ALDH1L1: variants seen among roughly 807,000 people sequenced by gnomAD.
ALDH1L1 encodes the protein cytosolic 10-formyltetrahydrofolate dehydrogenase.
Under a neutral mutation model 101.1 loss-of-function variants are expected in ALDH1L1, and 68 were observed. The ratio of observed to expected loss-of-function variants is 0.67; its 90% CI spans 0.55 to 0.82. ALDH1L1 has a LOEUF of 0.82. Among genes scored for constraint, ALDH1L1 ranks in the 40% least tolerant of loss-of-function variants. The probability of loss-of-function intolerance (pLI) is 0.00; values close to 1 mark genes in which losing one functional copy is unlikely to be tolerated. For synonymous variants in ALDH1L1, 486 were observed against 470.8 expected (o/e 1.03, Z -0.42); for missense variants, 1,087 against 1,172.7 (o/e 0.93, Z 1.07).
intron 16 of ALDH1L1, among the ~76,000 whole-genome samples, chr3:126,123,256 T>C (rs991336397): frequency 7.6e-5 from 7 of 91,592 alleles, no homozygotes; most frequent in African/African-American, 4.5e-4. Flanking sequence ...TCACCAAAAC[T>C]CTTTTTTTTT....
At chr3:126,146,132 C>T (rs528931223) in intron 9 of ALDH1L1, among the ~76,000 whole-genome samples, 35 of 152,354 alleles carry the variant, frequency 2.3e-4, no homozygotes, top group African/African-American at 8.2e-4. Flanking sequence ...ACAATGCCCA[C>T]CCCTGCAGTC....
intron 22 of ALDH1L1, chr3:126,105,398 G>A: frequency 5.3e-6 from 2 of 379,684 alleles, no homozygotes; most frequent in Non-Finnish European, 1.0e-5. Context: ...AGAAACACGG[G>A]CCCCTGGGTC....
intron 1 of ALDH1L1, among the ~76,000 whole-genome samples, chr3:126,170,632 C>G (rs1409608943): frequency 3.9e-5 from 6 of 152,128 alleles, no homozygotes; most frequent in Non-Finnish European, 7.3e-5. Flanking sequence ...CCAAAAAACT[C>G]TCCACCCCCG....
chr3:126,110,389 G>A (rs536439229), intron 19 of ALDH1L1: 20 of 476,686 alleles, frequency 4.2e-5, no homozygotes, highest in African/African-American at 1.9e-4. Context: ...GACAGAGGCC[G>A]GCATATTTGA....
chr3:126,136,106 C>T (rs939355050), intron 11 of ALDH1L1, among the ~76,000 whole-genome samples: 3 of 152,210 alleles, frequency 2.0e-5, no homozygotes, highest in Non-Finnish European at 4.4e-5. Flanking sequence ...CCGCACTGTC[C>T]TGTCTGTGTC....
rs182288944 is a variant in ALDH1L1 at position 126,109,823 on chromosome 3, G to A, written c.2347+121C>T. On this transcript the variant is annotated intron_variant, in intron 20 of 22. Transcript: ENST00000393434. Reference sequence around the variant, plus strand: ...TCCATCCCAGGTCCCAGATGGGGCTGCAGCCTGACTGTGTAGGTACCTGGC... The same window carrying A: ...TCCATCCCAGGTCCCAGATGGGGCTACAGCCTGACTGTGTAGGTACCTGGC... 6.4e-5 allele frequency: 90 copies of A among 1,406,668 alleles called. No individual in the cohort carries two copies. In the East Asian group the frequency reaches 1.5e-3, roughly 24 times the overall value. The allele number at this position is 1,406,668 out of a possible 1,614,324, so 87.1% of individuals were successfully genotyped here.
At position 126,152,963 on chromosome 3, in the gene ALDH1L1, G is replaced by A. The variant is rs528535611; in HGVS notation, c.858+481C>T. 1.2e-5 allele frequency: 3 copies of A among 259,106 alleles called. No individual in the cohort carries two copies. In the East Asian group the frequency reaches 2.8e-4, roughly 24 times the overall value. The allele number at this position is 259,106 out of a possible 1,614,324, so 16.1% of individuals were successfully genotyped here. On this transcript the variant is annotated intron_variant, in intron 7 of 22. Transcript: ENST00000393434. ...GTGTTTGCTGGTACCGTGAGTTGTA[G>A]TCTGCTAATAACAAGAGCAGGTGGC...
At chr3:126,158,302 A>G in intron 3 of ALDH1L1, 103 bp downstream of exon 3, 2 of 1,175,102 alleles carry the variant, frequency 1.7e-6, no homozygotes, top group Admixed American at 5.1e-5. Context: ...CACGATGCCC[A>G]CTCTGCAGCC....
chr3:126,186,943 T>C (rs573381889), intron 1 of ALDH1L1, among the ~76,000 whole-genome samples: 1 of 152,224 alleles, frequency 6.6e-6, no homozygotes, highest in East Asian at 1.9e-4. Flanking sequence ...CGCCACCACC[T>C]GAAACTGCAC....
At chr3:126,158,135 G>C (rs765330040) in intron 3 of ALDH1L1, among the ~76,000 whole-genome samples, 1 of 152,012 alleles carries the variant, frequency 6.6e-6, no homozygotes, top group Non-Finnish European at 1.5e-5. Flanking sequence ...TCTCAGCTGG[G>C]GGATGGGAAC....
chr3:126,129,975 A>G (rs1205927390), intron 14 of ALDH1L1: 1 of 338,842 alleles, frequency 3.0e-6, no homozygotes, highest in East Asian at 4.8e-5. Flanking sequence ...CATTTTGGAC[A>G]TTTTTTGGGT....
chr3:126,114,875 C>G, intron 17 of ALDH1L1: 3 of 604,442 alleles, frequency 5.0e-6, no homozygotes, highest in South Asian at 4.6e-5. Context: ...CCCACTGCCC[C>G]CTGGACTGCC....
At chr3:126,174,609 A>T (rs79058125) in intron 1 of ALDH1L1, among the ~76,000 whole-genome samples, 5,684 of 152,338 alleles carry the variant, frequency 0.037, 170 homozygotes, top group Non-Finnish European at 0.054. Context: ...TCTGAAAAAC[A>T]TTAAAAAAAT....
intron 1 of ALDH1L1, among the ~76,000 whole-genome samples, chr3:126,165,859 A>AT (rs1559969531): frequency 6.6e-6 from 1 of 151,648 alleles, no homozygotes; most frequent in African/African-American, 2.4e-5. Context: ...GTTTATTTTT[A>AT]TTTTTTTGAA....
Position 126,110,335 on chromosome 3 carries a change from C to T in ALDH1L1, c.2182-226G>A, listed in dbSNP as rs1946038980. On this transcript the variant is annotated intron_variant, in intron 19 of 22. Coordinates refer to ENST00000393434, the MANE Select transcript of ALDH1L1 (RefSeq NM_012190.4). ...CTCCAAGGAGACAGGAGCCCAGCAA[C>T]ATATGGGCTGGAAATGGAGACATAC... 3 of 590,194 alleles carry T rather than the reference C, an allele frequency of 5.1e-6. No individual in the cohort carries two copies. The South Asian group carries it at 6.4e-5, about 13-fold the overall frequency. The allele number at this position is 590,194 out of a possible 1,614,324, so 36.6% of individuals were successfully genotyped here.
At chr3:126,183,916 A>C (rs954291124), upstream of ALDH1L1, among the ~76,000 whole-genome samples, 2 of 152,174 alleles carry the variant, frequency 1.3e-5, no homozygotes, top group Non-Finnish European at 1.5e-5. Context: ...TGGAGGGCGA[A>C]TGTATTTTGC....
chr3:126,185,642 C>T (rs1485374884), upstream of ALDH1L1, among the ~76,000 whole-genome samples: 1 of 152,056 alleles, frequency 6.6e-6, no homozygotes, highest in African/African-American at 2.4e-5. Flanking sequence ...ATTGCAGCTG[C>T]AGGAGAGAAG....
intron 16 of ALDH1L1, among the ~76,000 whole-genome samples, chr3:126,120,503 T>C (rs2080058144): frequency 6.6e-6 from 1 of 152,236 alleles, no homozygotes; most frequent in Non-Finnish European, 1.5e-5. Flanking sequence ...GCAGTGAAAC[T>C]ACTCTGTGTT....
chr3:126,120,230 C>T (rs2080052020), intron 16 of ALDH1L1, among the ~76,000 whole-genome samples: 2 of 152,216 alleles, frequency 1.3e-5, no homozygotes, highest in South Asian at 4.1e-4. Flanking sequence ...GTTACCAAGA[C>T]GTCCTTCAGA....
Sources: allele counts gnomAD v4.1 joint callset (sites outside exome capture counted in the v4.1 genomes callset), GRCh38; gene constraint gnomAD v4.1.1; transcripts MANE v1.5; gene names NCBI Gene and HGNC (gene_info 2026-07-23, HGNC 2026-07-21).